The following NELL1 variants were observed in gnomAD, a reference collection of about 807,000 sequenced individuals.
The protein encoded by NELL1 is neural EGFL like 1, also known as protein kinase C-binding protein NELL1.
Under a neutral mutation model 107.4 loss-of-function variants are expected in NELL1, and 76 were observed. That is an observed-to-expected ratio of 0.71 (90% CI 0.59 to 0.86). The LOEUF (loss-of-function observed/expected upper bound fraction) is 0.86, where lower values mean the gene tolerates loss of function less well. NELL1 is among the 40% of genes least tolerant of loss of function. NELL1 has a pLI of 0.00. For synonymous variants in NELL1, 353 were observed against 341.2 expected (o/e 1.03, Z -0.38); for missense variants, 1,024 against 1,005.5 (o/e 1.02, Z -0.25).
intron 9 of NELL1, among the ~76,000 whole-genome samples, chr11:20,933,055 A>C (rs1044506269): frequency 1.3e-5 from 2 of 152,222 alleles, no homozygotes; most frequent in African/African-American, 4.8e-5. Flanking sequence ...GAAATAAACC[A>C]GTGTTGGTTT....
At chr11:21,085,008 A>G (rs964346519) in intron 12 of NELL1, among the ~76,000 whole-genome samples, 1 of 152,182 alleles carries the variant, frequency 6.6e-6, no homozygotes, top group Non-Finnish European at 1.5e-5. Flanking sequence ...GGTAAGACAT[A>G]CTTATCTTTT....
At chr11:21,479,136 G>A (rs80279132) in intron 15 of NELL1, among the ~76,000 whole-genome samples, 4,353 of 152,040 alleles carry the variant, frequency 0.029, 216 homozygotes, top group African/African-American at 0.097. Flanking sequence ...TTGGAAGCTC[G>A]TCAAAAAGTA....
chr11:21,382,364 C>G (rs2133770493), intron 15 of NELL1, among the ~76,000 whole-genome samples: 1 of 152,022 alleles, frequency 6.6e-6, no homozygotes, highest in South Asian at 2.1e-4. Context: ...ACATTATTGT[C>G]TATCAAAACT....
chr11:21,097,768 T>A (rs886414838), intron 12 of NELL1, among the ~76,000 whole-genome samples: 8 of 152,198 alleles, frequency 5.3e-5, no homozygotes, highest in Admixed American at 1.3e-4. Context: ...AGATTTATTT[T>A]GTCTTACAAT....
chr11:21,433,586 T>A (rs2133836491), intron 15 of NELL1, among the ~76,000 whole-genome samples: 1 of 152,280 alleles, frequency 6.6e-6, no homozygotes, highest in East Asian at 1.9e-4. Context: ...TGGGGTATGA[T>A]GAGACCTTAT....
At chr11:21,243,337 T>C (rs1224874701) in intron 14 of NELL1, among the ~76,000 whole-genome samples, 2 of 152,096 alleles carry the variant, frequency 1.3e-5, no homozygotes, top group African/African-American at 2.4e-5. Flanking sequence ...TTCTGAAGCA[T>C]AGGCCGTTTT....
intron 2 of NELL1, among the ~76,000 whole-genome samples, chr11:20,690,474 G>A (rs1265463651): frequency 3.3e-5 from 5 of 151,672 alleles, no homozygotes; most frequent in African/African-American, 7.3e-5. Flanking sequence ...GTGTAAGGAA[G>A]GGATCCAGTT....
At chr11:20,778,541 T>C (rs1194417542) in intron 2 of NELL1, among the ~76,000 whole-genome samples, 1 of 143,490 alleles carries the variant, frequency 7.0e-6, no homozygotes, top group East Asian at 2.2e-4. Flanking sequence ...TTAATCATCA[T>C]ATTAGCATTT....
chr11:21,503,855 C>CT (rs547309843), intron 15 of NELL1, among the ~76,000 whole-genome samples: 330 of 147,116 alleles, frequency 2.2e-3, no homozygotes, highest in African/African-American at 6.3e-3. Flanking sequence ...CAACACTTGG[C>CT]TTTTTTTTTT....
chr11:21,068,546 C>G (rs1033789272), intron 12 of NELL1, among the ~76,000 whole-genome samples: 5 of 152,198 alleles, frequency 3.3e-5, no homozygotes, highest in African/African-American at 4.8e-5. Context: ...GATTCTTACT[C>G]TCTTCTCACT....
chr11:20,986,951 T>C (rs1277284307), intron 12 of NELL1, among the ~76,000 whole-genome samples: 1 of 152,240 alleles, frequency 6.6e-6, no homozygotes, highest in African/African-American at 2.4e-5. Context: ...TCATAATATT[T>C]GTTATTATTT....
intron 12 of NELL1, among the ~76,000 whole-genome samples, chr11:20,989,434 G>T (rs1485003963): frequency 6.6e-6 from 1 of 152,142 alleles, no homozygotes; most frequent in Non-Finnish European, 1.5e-5. Context: ...AGACTGCTTT[G>T]ACTTCTCCAG....
chr11:21,480,438 C>T (rs953700534), intron 15 of NELL1, among the ~76,000 whole-genome samples: 7 of 152,124 alleles, frequency 4.6e-5, no homozygotes, highest in Non-Finnish European at 1.0e-4. Context: ...TGAAAAGAAC[C>T]TGACTGTCTC....
At chr11:21,437,446 G>A (rs1309725470) in intron 15 of NELL1, among the ~76,000 whole-genome samples, 2 of 152,114 alleles carry the variant, frequency 1.3e-5, no homozygotes, top group Non-Finnish European at 2.9e-5. Context: ...CGCAACCTCC[G>A]CCTCCTGGGT....
intron 13 of NELL1, among the ~76,000 whole-genome samples, chr11:21,205,920 T>C (rs980041031): frequency 6.6e-6 from 1 of 152,180 alleles, no homozygotes; most frequent in Admixed American, 6.6e-5. Flanking sequence ...AATTTCATTA[T>C]GGACATATAT....
chr11:20,901,736 A>G (rs1004187934), intron 5 of NELL1, among the ~76,000 whole-genome samples: 28 of 152,132 alleles, frequency 1.8e-4, no homozygotes, highest in Non-Finnish European at 4.4e-5. Context: ...ATATCACTGC[A>G]TTAATCAGCA....
intron 14 of NELL1, among the ~76,000 whole-genome samples, chr11:21,320,702 C>A (rs1040485193): frequency 6.6e-6 from 1 of 152,154 alleles, no homozygotes; most frequent in Non-Finnish European, 1.5e-5. Context: ...CATTTGGTTC[C>A]ATTTGGTCTC....
chr11:21,538,328 A>G (rs555604646), intron 16 of NELL1, among the ~76,000 whole-genome samples: 29 of 152,294 alleles, frequency 1.9e-4, no homozygotes, highest in Non-Finnish European at 3.5e-4. Context: ...GATATCATAA[A>G]GAACAGCATG....
intron 3 of NELL1, among the ~76,000 whole-genome samples, chr11:20,806,063 G>T (rs1857376543): frequency 1.3e-5 from 2 of 148,590 alleles, no homozygotes; most frequent in African/African-American, 5.0e-5. Flanking sequence ...GTGTTTTTTT[G>T]TGTACTTACT....
Sources: gnomAD v4.1 joint callset for allele counts (sites outside exome capture counted in the v4.1 genomes callset) on GRCh38, gnomAD v4.1.1 for gene constraint, MANE v1.5 for transcripts, NCBI Gene and HGNC (gene_info 2026-07-23, HGNC 2026-07-21) for gene names.